The following PCDH15 variants were observed in gnomAD, a reference collection of about 807,000 sequenced individuals.
The protein encoded by PCDH15 is protocadherin related 15, also known as protocadherin-15.
Under a neutral mutation model 178.5 loss-of-function variants are expected in PCDH15, and 129 were observed. That is an observed-to-expected ratio of 0.72 (90% CI 0.63 to 0.84). PCDH15 has a LOEUF of 0.84. Ranked by LOEUF, PCDH15 falls within the 40% of genes least tolerant of loss-of-function variation. The probability of loss-of-function intolerance (pLI) is 0.00; values close to 1 mark genes in which losing one functional copy is unlikely to be tolerated. For synonymous variants in PCDH15, 800 were observed against 732.0 expected, an observed-to-expected ratio of 1.09 and a Z score of -1.50; for missense variants, 2,230 against 2,099.9, an observed-to-expected ratio of 1.06 and a Z score of -1.21.
intron 37 of PCDH15, chr10:53,807,961 G>C (rs2075718236): frequency 6.6e-6 from 1 of 152,070 alleles, no homozygotes; most frequent in African/African-American, 2.4e-5. Context: ...TTTGGAATAT[G>C]TGAACTATCA....
chr10:54,682,565 CTG>C (rs774004881), intron 1 of PCDH15, among the ~76,000 whole-genome samples: 14 of 152,122 alleles, frequency 9.2e-5, no homozygotes, highest in African/African-American at 1.4e-4. Flanking sequence ...AATAATTCAG[CTG>C]TGTTTGATAC....
At chr10:54,033,202 A>G (rs903439210) in intron 18 of PCDH15, among the ~76,000 whole-genome samples, 1 of 152,076 alleles carries the variant, frequency 6.6e-6, no homozygotes, top group East Asian at 1.9e-4. Context: ...ATAATTAAAT[A>G]TATTAGTTTA....
At chr10:55,416,185 G>C (rs1014023488) in intron 2 of PCDH15, among the ~76,000 whole-genome samples, 2 of 151,540 alleles carry the variant, frequency 1.3e-5, no homozygotes, top group Admixed American at 6.6e-5. Flanking sequence ...AAAATTAATA[G>C]GTTTTATGCA....
intron 1 of PCDH15, among the ~76,000 whole-genome samples, chr10:54,716,795 T>C (rs1223977049): frequency 6.6e-6 from 1 of 151,128 alleles, no homozygotes; most frequent in Non-Finnish European, 1.5e-5. Flanking sequence ...AGAGCCCGCA[T>C]CACCAAGTCA....
intron 26 of PCDH15, among the ~76,000 whole-genome samples, chr10:53,876,408 G>C (rs2080246354): frequency 6.6e-6 from 1 of 152,004 alleles, no homozygotes; most frequent in African/African-American, 2.4e-5. Flanking sequence ...CGATGGTCTT[G>C]ATCTCCTGAC....
chr10:54,992,156 A>G (rs1342118409), intron 2 of PCDH15, among the ~76,000 whole-genome samples: 1 of 152,228 alleles, frequency 6.6e-6, no homozygotes, highest in East Asian at 1.9e-4. Flanking sequence ...GTATTATTAA[A>G]TATTTTACCA....
chr10:55,354,403 T>C (rs937738011), intron 2 of PCDH15, among the ~76,000 whole-genome samples: 1 of 152,054 alleles, frequency 6.6e-6, no homozygotes, highest in African/African-American at 2.4e-5. Flanking sequence ...CAGGGTACAA[T>C]AGAGAAACAG....
chr10:54,324,720 AC>A (rs2061828984), intron 7 of PCDH15, among the ~76,000 whole-genome samples: 1 of 152,022 alleles, frequency 6.6e-6, no homozygotes, highest in South Asian at 2.1e-4. Flanking sequence ...AACCGAGATC[AC>A]CCCCCTGCAC....
chr10:55,246,900 C>T (rs1489943755), intron 1 of PCDH15, among the ~76,000 whole-genome samples: 1 of 152,030 alleles, frequency 6.6e-6, no homozygotes. Flanking sequence ...AAAATATCCC[C>T]TTTGGTCTAA....
intron 2 of PCDH15, among the ~76,000 whole-genome samples, chr10:54,931,545 G>A (rs1733795): frequency 0.13 from 20,455 of 152,046 alleles, 1,562 homozygotes; most frequent in East Asian, 0.23. Context: ...TTAATATAGT[G>A]TGCCTTACAA....
At chr10:54,612,361 C>G (rs2134262640) in intron 2 of PCDH15, among the ~76,000 whole-genome samples, 1 of 151,950 alleles carries the variant, frequency 6.6e-6, no homozygotes, top group African/African-American at 2.4e-5. Flanking sequence ...GGTTCAGTAT[C>G]TTAACCTCAG....
chr10:54,073,961 G>A (rs1433114710), intron 17 of PCDH15, among the ~76,000 whole-genome samples: 1 of 152,128 alleles, frequency 6.6e-6, no homozygotes, highest in Non-Finnish European at 1.5e-5. Flanking sequence ...TCTGCTAGAT[G>A]GGGTTTCTGA....
At chr10:55,377,353 T>C (rs1185623578) in intron 2 of PCDH15, among the ~76,000 whole-genome samples, 2 of 151,896 alleles carry the variant, frequency 1.3e-5, no homozygotes, top group African/African-American at 2.4e-5. Flanking sequence ...AAGAGAACTA[T>C]CTTATAAAGT....
intron 10 of PCDH15, 106 bp from the exon 11 acceptor site, chr10:54,195,995 A>C: frequency 3.1e-6 from 3 of 967,890 alleles, no homozygotes; most frequent in Non-Finnish European, 4.7e-6. Flanking sequence ...AACTAATATC[A>C]TCACATAAGG....
intron 3 of PCDH15, among the ~76,000 whole-genome samples, chr10:54,443,361 T>C (rs562685812): frequency 6.6e-6 from 1 of 151,504 alleles, no homozygotes; most frequent in East Asian, 1.9e-4. Flanking sequence ...CCCTGGGAAA[T>C]GGGAAGTTTT....
intron 3 of PCDH15, among the ~76,000 whole-genome samples, chr10:54,386,987 A>T (rs1819728): frequency 0.85 from 129,824 of 151,842 alleles, 55,729 homozygotes; most frequent in East Asian, 0.99. Flanking sequence ...TTGCTAAGAG[A>T]GTAGATTTTA....
At position 55,256,581 on chromosome 10, in the gene PCDH15, C is replaced by T. The variant is rs1037620654; in HGVS notation, c.-156+63018G>A. On this transcript the variant is annotated intron_variant, in intron 1 of 5. Coordinates refer to the PCDH15 transcript ENST00000458638. ...AACGGCACACCAGGAGATTATAACC[C>T]GCACCTGGCTCGGAGGGTCCCATGC... Among the ~76,000 whole-genome samples, 19 of 152,302 alleles carry T rather than the reference C, an allele frequency of 1.2e-4. No homozygotes were observed. The South Asian group carries it at 1.7e-3, about 13-fold the overall frequency.
At chr10:54,093,046 A>G (rs1473093769) in intron 15 of PCDH15, among the ~76,000 whole-genome samples, 1 of 151,868 alleles carries the variant, frequency 6.6e-6, no homozygotes, top group Non-Finnish European at 1.5e-5. Context: ...ATCTACTCTA[A>G]TATTTAATAT....
At chr10:55,442,484 T>TATAA (rs59065367) in intron 2 of PCDH15, among the ~76,000 whole-genome samples, 1 of 123,080 alleles carries the variant, frequency 8.1e-6, no homozygotes, top group African/African-American at 3.4e-5. Context: ...ATATATATTA[T>TATAA]ATATATATAT....
Sources: gnomAD v4.1 joint callset for allele counts (sites outside exome capture counted in the v4.1 genomes callset) on GRCh38, gnomAD v4.1.1 for gene constraint, MANE v1.5 for transcripts, NCBI Gene and HGNC (gene_info 2026-07-23, HGNC 2026-07-21) for gene names.